Variants in PTBP2 observed in about 807,000 individuals in gnomAD.
The protein encoded by PTBP2 is polypyrimidine tract-binding protein 2.
A neutral mutation model predicts 61.4 loss-of-function variants in PTBP2; 13 were observed. That is an observed-to-expected ratio of 0.21 (90% CI 0.14 to 0.34). The LOEUF (loss-of-function observed/expected upper bound fraction) is 0.34, where lower values mean the gene tolerates loss of function less well. PTBP2 is among the 10% of genes least tolerant of loss of function. The pLI is 1.00. For missense variants in PTBP2, 405 were observed against 642.6 expected (o/e 0.63, Z 4.00); for synonymous variants, 215 against 218.5 (o/e 0.98, Z 0.14).
At chr1:96,764,131 C>T (rs1656380161) in intron 3 of PTBP2, among the ~76,000 whole-genome samples, 1 of 152,156 alleles carries the variant, frequency 6.6e-6, no homozygotes, top group Admixed American at 6.5e-5. Flanking sequence ...TTTCCCTTAT[C>T]TGTGCAGACT....
chr1:96,791,489 T>C (rs1326338928), intron 8 of PTBP2, among the ~76,000 whole-genome samples: 2 of 152,178 alleles, frequency 1.3e-5, no homozygotes, highest in African/African-American at 4.8e-5. Flanking sequence ...AGAACAAAAA[T>C]ATGGCATGGT....
intron 2 of PTBP2, among the ~76,000 whole-genome samples, chr1:96,730,093 A>T (rs563014008): frequency 6.6e-6 from 1 of 152,118 alleles, no homozygotes; most frequent in African/African-American, 2.4e-5. Flanking sequence ...TCTCATTCCC[A>T]GTAGGGATAA....
At chr1:96,818,462 C>G (rs367719533), downstream of PTBP2, 3 of 152,002 alleles carry the variant, frequency 2.0e-5, no homozygotes, top group African/African-American at 7.2e-5. Context: ...GTCATAGTTG[C>G]TTTCTCTAAT....
At chr1:96,807,904 A>G (rs1022751052) in intron 11 of PTBP2, among the ~76,000 whole-genome samples, 1 of 152,222 alleles carries the variant, frequency 6.6e-6, no homozygotes. Flanking sequence ...TGATTATGTC[A>G]AGATACTTAG....
At position 96,723,548 on chromosome 1, in the gene PTBP2, T is replaced by C. The variant is rs766733710; in HGVS notation, c.9-16T>C. The C allele has an allele frequency of 3.2e-6, 5 of 1,568,046 alleles. No homozygotes were observed. Among genetic ancestry groups the C allele is most frequent in the Non-Finnish European group, 4.4e-6 (5 of 1,148,032 alleles). On this transcript the variant is annotated splice_polypyrimidine_tract_variant and intron_variant, in intron 1 of 13. Coordinates refer to ENST00000674951, the MANE Select transcript of PTBP2 (RefSeq NM_021190.4). ...AGAATAACAGGAGGTTGAAACTACT[T>C]ATTTTTTCTTTGCAGAATCGTCACT... is the stretch of plus-strand genomic sequence containing the variant.
chr1:96,756,582 G>A (rs1655184343), intron 3 of PTBP2, among the ~76,000 whole-genome samples: 1 of 151,042 alleles, frequency 6.6e-6, no homozygotes, highest in African/African-American at 2.4e-5. Flanking sequence ...AAACTGTGGT[G>A]TATATTCAGA....
intron 8 of PTBP2, among the ~76,000 whole-genome samples, chr1:96,800,963 C>A (rs1383552148): frequency 1.3e-5 from 2 of 151,698 alleles, no homozygotes; most frequent in African/African-American, 4.8e-5. Context: ...ATTTAAAATT[C>A]TTTTAAACAT....
intron 8 of PTBP2, among the ~76,000 whole-genome samples, chr1:96,785,725 T>A (rs899005188): frequency 3.9e-5 from 6 of 152,212 alleles, no homozygotes; most frequent in African/African-American, 1.4e-4. Context: ...GGGATTTTTT[T>A]TGAAGCATAT....
chr1:96,770,655 A>G (rs1350260876), intron 4 of PTBP2, 53 bp from the exon 5 acceptor site: 3 of 1,407,864 alleles, frequency 2.1e-6, no homozygotes, highest in African/African-American at 2.9e-5. Flanking sequence ...TTGCTTAGAT[A>G]TTAATTTTAT....
At chr1:96,723,793 A>G (rs1373293688) in intron 2 of PTBP2, among the ~76,000 whole-genome samples, 199 bp downstream of exon 2, 1 of 152,244 alleles carries the variant, frequency 6.6e-6, no homozygotes, top group Non-Finnish European at 1.5e-5. Context: ...GTCTGTAAGA[A>G]TAACCTTTTA....
chr1:96,805,794 T>C (rs938797593), intron 9 of PTBP2, among the ~76,000 whole-genome samples: 2 of 152,344 alleles, frequency 1.3e-5, no homozygotes, highest in African/African-American at 4.8e-5. Flanking sequence ...TGTTTTTATT[T>C]TAAGACTTTT....
intron 2 of PTBP2, among the ~76,000 whole-genome samples, chr1:96,735,755 G>T (rs1173493756): frequency 6.6e-6 from 1 of 152,202 alleles, no homozygotes; most frequent in Non-Finnish European, 1.5e-5. Flanking sequence ...TTAAAAATGT[G>T]TTGGAAAGGA....
At chr1:96,775,036 C>T (rs1657871061) in intron 5 of PTBP2, among the ~76,000 whole-genome samples, 3 of 152,164 alleles carry the variant, frequency 2.0e-5, no homozygotes, top group Admixed American at 2.0e-4. Flanking sequence ...CTTCACATGG[C>T]CAGTGTTAAA....
chr1:96,742,073 T>C (rs1653106352), intron 2 of PTBP2, among the ~76,000 whole-genome samples: 1 of 152,238 alleles, frequency 6.6e-6, no homozygotes, highest in African/African-American at 2.4e-5. Flanking sequence ...ATCATTTGGC[T>C]AAGTTCTGTG....
At chr1:96,728,187 G>C (rs1270923802) in intron 2 of PTBP2, among the ~76,000 whole-genome samples, 2 of 152,136 alleles carry the variant, frequency 1.3e-5, no homozygotes, top group South Asian at 4.1e-4. Context: ...GGGTCTCTCT[G>C]TTTTGCCCAG....
downstream of PTBP2, chr1:96,815,500 A>G (rs1208824891): frequency 6.6e-6 from 1 of 152,180 alleles, no homozygotes; most frequent in African/African-American, 2.4e-5. Flanking sequence ...AAGCAGTTAC[A>G]ATTAGGGTGC....
chr1:96,728,739 C>A (rs1310166348), intron 2 of PTBP2, among the ~76,000 whole-genome samples: 1 of 150,696 alleles, frequency 6.6e-6, no homozygotes, highest in East Asian at 1.9e-4. Flanking sequence ...TGACTTGAAT[C>A]TGTAGAGCAA....
intron 8 of PTBP2, among the ~76,000 whole-genome samples, chr1:96,786,111 A>G (rs1283330895): frequency 1.3e-5 from 2 of 152,124 alleles, no homozygotes; most frequent in African/African-American, 2.4e-5. Flanking sequence ...AGCTTTTACA[A>G]TTTAGTTTAT....
At chr1:96,743,970 G>A (rs189410561) in intron 2 of PTBP2, among the ~76,000 whole-genome samples, 4 of 152,094 alleles carry the variant, frequency 2.6e-5, no homozygotes, top group African/African-American at 9.7e-5. Context: ...ACAAGGTCAG[G>A]AGCTTGAGAC....
Sources: allele counts gnomAD v4.1 joint callset (sites outside exome capture counted in the v4.1 genomes callset), GRCh38; gene constraint gnomAD v4.1.1; transcripts MANE v1.5; gene names NCBI Gene and HGNC (gene_info 2026-07-23, HGNC 2026-07-21).